Variants in TRHDE observed in about 807,000 individuals in gnomAD.
The protein encoded by TRHDE is thyrotropin-releasing hormone-degrading ectoenzyme.
TRHDE carries 72 observed loss-of-function variants against 125.7 expected under a neutral mutation model. The observed-to-expected ratio is 0.57, with a 90% CI of 0.47 to 0.70. TRHDE has a LOEUF of 0.70. Among genes scored for constraint, TRHDE ranks in the 30% least tolerant of loss-of-function variants. TRHDE has a pLI of 0.00. For synonymous variants in TRHDE, 509 were observed against 509.1 expected, an observed-to-expected ratio of 1.00 and a Z score of 0.00; for missense variants, 1,110 against 1,327.1, an observed-to-expected ratio of 0.84 and a Z score of 2.54.
chr12:72,135,644 G>A (rs528333888), intron 2 of TRHDE, among the ~76,000 whole-genome samples: 1 of 152,080 alleles, frequency 6.6e-6, no homozygotes, highest in East Asian at 1.9e-4. Context: ...GGACTCACAA[G>A]GGCTATTTAC....
At chr12:72,543,248 A>T (rs1037377355) in intron 7 of TRHDE, among the ~76,000 whole-genome samples, 11 of 151,544 alleles carry the variant, frequency 7.3e-5, no homozygotes, top group African/African-American at 2.7e-4. Context: ...ATAAATTGAA[A>T]GATAAAATAC....
Position 72,667,538 on chromosome 12 carries a change from T to TAATA in TRHDE, c.*4343_*4344insAATA, listed in dbSNP as rs1875151867. 1 of 151,434 alleles carries TAATA rather than the reference T, an allele frequency of 6.6e-6. No individual in the cohort carries two copies. The highest frequency in any genetic ancestry group is 2.1e-4 in the South Asian group (1 of 4,804). The allele number at this position is 151,434 out of a possible 1,614,324, so 9.4% of individuals were successfully genotyped here. The stretch of plus-strand genomic sequence containing the variant: ...ATGAATATGGCCTGAAGGAATGAAC[T>TAATA]CATATTACAATAAATGAAAAAGAAA... On this transcript the variant is annotated 3_prime_UTR_variant, in exon 19 of 19. Coordinates refer to ENST00000261180, the MANE Select transcript of TRHDE (RefSeq NM_013381.3).
intron 6 of TRHDE, among the ~76,000 whole-genome samples, chr12:72,540,053 G>T (rs929872887): frequency 1.3e-5 from 2 of 151,762 alleles, no homozygotes; most frequent in African/African-American, 4.8e-5. Flanking sequence ...TGTGTTAGGG[G>T]TTGTGATCTT....
chr12:72,408,453 C>G (rs1476541220), intron 3 of TRHDE, among the ~76,000 whole-genome samples: 2 of 152,018 alleles, frequency 1.3e-5, no homozygotes, highest in Non-Finnish European at 1.5e-5. Context: ...CATCTTTATC[C>G]TTAAAGAGTA....
intron 3 of TRHDE, among the ~76,000 whole-genome samples, chr12:72,408,774 G>A (rs1873371759): frequency 6.6e-6 from 1 of 152,124 alleles, no homozygotes; most frequent in Admixed American, 6.5e-5. Flanking sequence ...AGATGAATCA[G>A]CCAGAATAAT....
chr12:72,187,022 T>C (rs1419408089), intron 2 of TRHDE, among the ~76,000 whole-genome samples: 4 of 152,164 alleles, frequency 2.6e-5, no homozygotes, highest in African/African-American at 9.7e-5. Flanking sequence ...TAGATGGAAC[T>C]GTACTCTTAC....
intron 2 of TRHDE, among the ~76,000 whole-genome samples, chr12:72,116,468 CT>C (rs1244643199): frequency 3.3e-5 from 5 of 152,120 alleles, no homozygotes; most frequent in African/African-American, 1.2e-4. Context: ...CTAATTTACA[CT>C]CCCACTAACA....
At chr12:72,229,030 C>CT (rs1878196607) in intron 2 of TRHDE, among the ~76,000 whole-genome samples, 1 of 152,184 alleles carries the variant, frequency 6.6e-6, no homozygotes, top group Non-Finnish European at 1.5e-5. Flanking sequence ...ATCTTTCTGT[C>CT]TTTTTCTGAG....
chr12:72,486,965 A>G (rs1445258579), intron 5 of TRHDE, among the ~76,000 whole-genome samples: 2 of 152,118 alleles, frequency 1.3e-5, no homozygotes, highest in African/African-American at 4.8e-5. Context: ...ATAGATATTT[A>G]AAAAGAAACA....
chr12:72,128,841 A>T (rs1057057021), intron 2 of TRHDE, among the ~76,000 whole-genome samples: 2 of 152,188 alleles, frequency 1.3e-5, no homozygotes, highest in South Asian at 4.1e-4. Flanking sequence ...TAAAGTAAAC[A>T]GGGGTGGGGG....
intron 3 of TRHDE, among the ~76,000 whole-genome samples, chr12:72,452,999 C>G (rs1320923956): frequency 3.3e-5 from 5 of 152,148 alleles, no homozygotes; most frequent in African/African-American, 1.2e-4. Flanking sequence ...CAGCCTAACA[C>G]AGATCATTGG....
At chr12:72,466,788 T>C (rs964178232) in intron 3 of TRHDE, among the ~76,000 whole-genome samples, 1 of 152,166 alleles carries the variant, frequency 6.6e-6, no homozygotes, top group East Asian at 1.9e-4. Context: ...GTGACTACCT[T>C]AGAGAGGGCT....
At chr12:72,529,319 C>T (rs574613809) in intron 6 of TRHDE, among the ~76,000 whole-genome samples, 1 of 151,950 alleles carries the variant, frequency 6.6e-6, no homozygotes. Context: ...TATACATATA[C>T]TCAAGACCCA....
intron 2 of TRHDE, among the ~76,000 whole-genome samples, chr12:72,253,175 A>G (rs549926764): frequency 6.6e-6 from 1 of 152,138 alleles, no homozygotes; most frequent in Non-Finnish European, 1.5e-5. Context: ...GACTTACTGT[A>G]TATAGAAATG....
At chr12:72,413,513 A>C (rs1351533679) in intron 3 of TRHDE, among the ~76,000 whole-genome samples, 1 of 151,812 alleles carries the variant, frequency 6.6e-6, no homozygotes, top group African/African-American at 2.4e-5. Context: ...CCTTATTAAA[A>C]TTATTATTAG....
At chr12:72,110,580 T>C (rs1200183257) in intron 2 of TRHDE, among the ~76,000 whole-genome samples, 1 of 152,120 alleles carries the variant, frequency 6.6e-6, no homozygotes. Context: ...CCAGCCAGAG[T>C]ACAAACACAT....
chr12:72,372,193 T>C (rs550241761), intron 2 of TRHDE, among the ~76,000 whole-genome samples: 40 of 152,320 alleles, frequency 2.6e-4, no homozygotes, highest in African/African-American at 9.4e-4. Context: ...ATGTCTTCTT[T>C]TGAGAAGTGT....
At position 72,354,703 on chromosome 12, in the gene TRHDE, C is replaced by T. The variant is rs143839700; in HGVS notation, c.1189-23292C>T. Among the ~76,000 whole-genome samples, 337 of 145,470 alleles carry T rather than the reference C, an allele frequency of 2.3e-3. 3 individuals carry two copies. Among genetic ancestry groups the T allele is most frequent in the African/African-American group, 8.1e-3 (323 of 40,042 alleles). On this transcript the variant is annotated intron_variant, in intron 2 of 18. Transcript: ENST00000261180. The stretch of plus-strand genomic sequence containing the variant: ...TAAAATATATATGTAAAATATATAC[C>T]GATTTTCTTATTTTATAATTATGTA...
intron 2 of TRHDE, among the ~76,000 whole-genome samples, chr12:72,107,384 C>G (rs1875211858): frequency 6.6e-6 from 1 of 152,036 alleles, no homozygotes; most frequent in Non-Finnish European, 1.5e-5. Context: ...TTATTTTCTA[C>G]CCAACGTTGA....
Sources: allele counts gnomAD v4.1 joint callset (sites outside exome capture counted in the v4.1 genomes callset), GRCh38; gene constraint gnomAD v4.1.1; transcripts MANE v1.5; gene names NCBI Gene and HGNC (gene_info 2026-07-23, HGNC 2026-07-21).